Variants in KCNIP1 observed in about 807,000 individuals in gnomAD.
The protein encoded by KCNIP1 is A-type potassium channel modulatory protein KCNIP1.
KCNIP1 carries 18 observed loss-of-function variants against 33.0 expected under a neutral mutation model. That is an observed-to-expected ratio of 0.55 (90% CI 0.38 to 0.81). The LOEUF (loss-of-function observed/expected upper bound fraction) is 0.81, where lower values mean the gene tolerates loss of function less well. Ranked by LOEUF, KCNIP1 falls within the 30% of genes least tolerant of loss-of-function variation. KCNIP1 has a pLI of 0.00. For missense variants in KCNIP1, 238 were observed against 271.6 expected (o/e 0.88, Z 0.87); for synonymous variants, 93 against 98.3 (o/e 0.95, Z 0.32).
intron 1 of KCNIP1, among the ~76,000 whole-genome samples, chr5:170,359,732 C>G (rs764850759): frequency 6.6e-6 from 1 of 152,198 alleles, no homozygotes; most frequent in East Asian, 1.9e-4. Flanking sequence ...TTCATCCCAG[C>G]CTACTGGCCT....
intron 1 of KCNIP1, among the ~76,000 whole-genome samples, chr5:170,551,106 C>G (rs941944188): frequency 1.3e-5 from 2 of 152,182 alleles, no homozygotes; most frequent in Admixed American, 6.5e-5. Flanking sequence ...CACTTTTATG[C>G]CTTTTTTGTG....
chr5:170,457,917 CAA>C (rs1237884494), intron 1 of KCNIP1, among the ~76,000 whole-genome samples: 1 of 152,094 alleles, frequency 6.6e-6, no homozygotes, highest in Non-Finnish European at 1.5e-5. Context: ...CAGTGAAAGG[CAA>C]AGTCCAACTT....
chr5:170,621,284 A>C (rs958114495), intron 1 of KCNIP1, among the ~76,000 whole-genome samples: 2 of 152,140 alleles, frequency 1.3e-5, no homozygotes, highest in Non-Finnish European at 2.9e-5. Flanking sequence ...GCTGTGGTTG[A>C]GATTTTTATC....
intron 1 of KCNIP1, among the ~76,000 whole-genome samples, chr5:170,625,326 A>C (rs905823): frequency 0.48 from 72,003 of 151,506 alleles, 17,632 homozygotes; most frequent in East Asian, 0.67. Flanking sequence ...TTCCCAGACA[A>C]CCCCAAGCCC....
intron 1 of KCNIP1, among the ~76,000 whole-genome samples, chr5:170,651,344 G>A (rs1581447926): frequency 6.6e-6 from 1 of 152,284 alleles, no homozygotes; most frequent in East Asian, 1.9e-4. Flanking sequence ...GGGGAAGGCA[G>A]GTGGGTTCTA....
intron 1 of KCNIP1, among the ~76,000 whole-genome samples, chr5:170,554,014 T>C (rs1157817166): frequency 6.6e-6 from 1 of 152,244 alleles, no homozygotes; most frequent in Non-Finnish European, 1.5e-5. Flanking sequence ...ACAATGTCCA[T>C]GCTTACATGT....
chr5:170,425,779 G>A (rs774184279), intron 1 of KCNIP1, among the ~76,000 whole-genome samples: 3 of 152,116 alleles, frequency 2.0e-5, no homozygotes, highest in Non-Finnish European at 2.9e-5. Flanking sequence ...AGTCCCCTAC[G>A]CCCTAGCAAG....
chr5:170,530,869 G>A (rs1015266994), intron 1 of KCNIP1, among the ~76,000 whole-genome samples: 3 of 152,134 alleles, frequency 2.0e-5, no homozygotes, highest in Non-Finnish European at 2.9e-5. Flanking sequence ...TCCTAGTGTG[G>A]ACCATCGCGC....
intron 1 of KCNIP1, among the ~76,000 whole-genome samples, chr5:170,416,759 G>C (rs1755342393): frequency 6.6e-6 from 1 of 151,930 alleles, no homozygotes; most frequent in Non-Finnish European, 1.5e-5. Context: ...GGGGCAAACA[G>C]GAAATAAGTT....
intron 1 of KCNIP1, among the ~76,000 whole-genome samples, chr5:170,497,053 T>C (rs1441775486): frequency 1.3e-5 from 2 of 152,192 alleles, no homozygotes; most frequent in East Asian, 3.9e-4. Context: ...TTTATCTAAG[T>C]GCCCTGAGAC....
chr5:170,621,508 A>G (rs1340652517), intron 1 of KCNIP1, among the ~76,000 whole-genome samples: 1 of 151,928 alleles, frequency 6.6e-6, no homozygotes, highest in East Asian at 1.9e-4. Context: ...ACTCCTCTTT[A>G]TTATTTTTAT....
intron 1 of KCNIP1, among the ~76,000 whole-genome samples, chr5:170,480,138 G>A (rs978147657): frequency 2.6e-5 from 4 of 152,126 alleles, no homozygotes; most frequent in Admixed American, 6.6e-5. Context: ...AAGATTATGG[G>A]TATATATTGG....
intron 1 of KCNIP1, among the ~76,000 whole-genome samples, chr5:170,491,586 AT>A (rs1757206813): frequency 6.6e-6 from 1 of 152,102 alleles, no homozygotes; most frequent in Non-Finnish European, 1.5e-5. Context: ...TCCTCCAGAT[AT>A]TTGTGGTTTA....
chr5:170,517,433 G>A (rs527803708), intron 1 of KCNIP1, among the ~76,000 whole-genome samples: 6 of 152,286 alleles, frequency 3.9e-5, no homozygotes, highest in Non-Finnish European at 5.9e-5. Context: ...TAATATTGTT[G>A]ATGATGGCAG....
At chr5:170,680,252 A>G (rs1027626062) in intron 1 of KCNIP1, among the ~76,000 whole-genome samples, 1 of 152,146 alleles carries the variant, frequency 6.6e-6, no homozygotes, top group African/African-American at 2.4e-5. Flanking sequence ...CCCCATGTCA[A>G]GCACCTTTCC....
At chr5:170,460,563 C>CA (rs1452533872) in intron 1 of KCNIP1, among the ~76,000 whole-genome samples, 1 of 152,070 alleles carries the variant, frequency 6.6e-6, no homozygotes, top group Non-Finnish European at 1.5e-5. Flanking sequence ...TGTGATACAC[C>CA]ACATAAACAT....
intron 1 of KCNIP1, among the ~76,000 whole-genome samples, chr5:170,683,460 T>C (rs867826003): frequency 3.2e-4 from 48 of 152,208 alleles, no homozygotes; most frequent in African/African-American, 1.1e-3. Context: ...CCAGATGGGA[T>C]CTGCAGTCTG....
chr5:170,589,397 G>A (rs190549924), intron 1 of KCNIP1, among the ~76,000 whole-genome samples: 3 of 152,304 alleles, frequency 2.0e-5, no homozygotes, highest in Admixed American at 1.3e-4. Flanking sequence ...GGTATTCAGA[G>A]TCTATGTTAA....
chr5:170,497,771 G>A (rs969397568), intron 1 of KCNIP1, among the ~76,000 whole-genome samples: 5 of 152,042 alleles, frequency 3.3e-5, no homozygotes, highest in African/African-American at 9.7e-5. Context: ...CCCTGCCCCC[G>A]CCTCACCACA....
Sources: gnomAD v4.1 joint callset for allele counts (sites outside exome capture counted in the v4.1 genomes callset) on GRCh38, gnomAD v4.1.1 for gene constraint, MANE v1.5 for transcripts, NCBI Gene and HGNC (gene_info 2026-07-23, HGNC 2026-07-21) for gene names.